The following VCPKMT variants were observed in gnomAD, a reference collection of about 807,000 sequenced individuals.
The protein encoded by VCPKMT is valosin containing protein lysine methyltransferase.
In VCPKMT, 32 loss-of-function variants were observed where a neutral mutation model predicts 28.6. The observed-to-expected ratio is 1.12, with a 90% CI of 0.84 to 1.50. The LOEUF is 1.50. Ranked by LOEUF, VCPKMT falls within the 40% of genes most tolerant of loss-of-function variation. VCPKMT has a pLI of 0.00. For missense variants in VCPKMT, 366 were observed against 285.0 expected (o/e 1.28, Z -2.05); for synonymous variants, 138 against 111.4 (o/e 1.24, Z -1.50).
At chr14:50,107,177 T>C (rs899330958), downstream of VCPKMT, among the ~76,000 whole-genome samples, 2 of 152,258 alleles carry the variant, frequency 1.3e-5, no homozygotes, top group African/African-American at 4.8e-5. Flanking sequence ...TGATGGAGCA[T>C]GTTCTCTGAA....
intron 3 of VCPKMT, among the ~76,000 whole-genome samples, chr14:50,114,857 AAAAC>A (rs1187197878): frequency 3.9e-5 from 6 of 152,270 alleles, no homozygotes; most frequent in African/African-American, 7.2e-5. Flanking sequence ...TCTTAAAACA[AAAAC>A]AAACAAACAA....
At chr14:50,105,403 G>A (rs1882285640), downstream of VCPKMT, among the ~76,000 whole-genome samples, 1 of 152,180 alleles carries the variant, frequency 6.6e-6, no homozygotes, top group Admixed American at 6.5e-5. Flanking sequence ...GGCTGAGGAG[G>A]GTGGATTGCT....
In VCPKMT at chr14:50,111,278, A is replaced by C; in HGVS notation, c.675+1337T>G. ...AAACTGCACAACAGCTTCAGTTAACACTAGATCCCTTAAAGCACAAAACAG... is the reference window on the plus strand; with the variant it reads ...AAACTGCACAACAGCTTCAGTTAACCCTAGATCCCTTAAAGCACAAAACAG... On this transcript the variant is annotated intron_variant, in intron 5 of 5. Transcript: ENST00000395860. The C allele has an allele frequency of 3.0e-6, 3 of 985,296 alleles. No homozygotes were observed. The South Asian group carries it at 1.4e-4, about 46-fold the overall frequency. 61.0% of individuals were successfully genotyped at this position (985,296 alleles called of 1,614,324 possible).
downstream of VCPKMT, among the ~76,000 whole-genome samples, chr14:50,107,542 G>A (rs1200342502): frequency 1.3e-5 from 2 of 152,140 alleles, no homozygotes; most frequent in East Asian, 1.9e-4. Flanking sequence ...TCCAACTCCC[G>A]ACCTCAGGAG....
downstream of VCPKMT, among the ~76,000 whole-genome samples, chr14:50,107,948 C>T (rs752825912): frequency 4.6e-5 from 7 of 151,864 alleles, no homozygotes; most frequent in African/African-American, 1.2e-4. Flanking sequence ...CAGCACTTTC[C>T]GGGGCTAAGG....
At chr14:50,106,864 G>A (rs1882340271), downstream of VCPKMT, among the ~76,000 whole-genome samples, 1 of 152,132 alleles carries the variant, frequency 6.6e-6, no homozygotes, top group Admixed American at 6.5e-5. Context: ...GACTACAGGT[G>A]TACACCACCA....
In VCPKMT at chr14:50,108,655, T is replaced by C. The variant is rs1882428740; in HGVS notation, c.*1044A>G. ...CACAAGGTCTCAAAAACAATGTTTA[T>C]TTTAACACATAAAATGTACCATCTA... is the stretch of plus-strand genomic sequence containing the variant. On this transcript the variant is annotated 3_prime_UTR_variant, in exon 6 of 6. Coordinates refer to ENST00000395860, the MANE Select transcript of VCPKMT (RefSeq NM_024558.3). The C allele has an allele frequency of 1.0e-6, 1 of 985,892 alleles. No individual in the cohort carries two copies. The highest frequency in any genetic ancestry group is 1.2e-6 in the Non-Finnish European group (1 of 829,952). The allele number at this position is 985,892 out of a possible 1,614,324, so 61.1% of individuals were successfully genotyped here. A position where few individuals can be genotyped will look rare whatever the true frequency, so the allele number is the denominator to read the frequency against.
chr14:50,106,658 T>A, downstream of VCPKMT: 1 of 984,572 alleles, frequency 1.0e-6, no homozygotes, highest in South Asian at 4.7e-5. Flanking sequence ...GAAAGAGAAA[T>A]ACTGGTCTCC....
chr14:50,103,796 A>G (rs140608300), downstream of VCPKMT, among the ~76,000 whole-genome samples: 42 of 152,296 alleles, frequency 2.8e-4, no homozygotes, highest in Non-Finnish European at 4.9e-4. Flanking sequence ...CTGGGCAGCA[A>G]TGTTTACATG....
chr14:50,115,145 G>GTTTTT (rs745531021), intron 3 of VCPKMT, among the ~76,000 whole-genome samples: 19 of 90,362 alleles, frequency 2.1e-4, no homozygotes, highest in African/African-American at 6.7e-4. Flanking sequence ...ACAAACTGAT[G>GTTTTT]TTTTTTTTTT....
downstream of VCPKMT, among the ~76,000 whole-genome samples, chr14:50,105,201 T>C (rs1027355082): frequency 1.3e-5 from 2 of 152,180 alleles, no homozygotes; most frequent in Non-Finnish European, 2.9e-5. Context: ...TACTCTTCTT[T>C]AAAATACCTA....
At position 50,109,415 on chromosome 14, in the gene VCPKMT, T is replaced by C; in HGVS notation, c.*284A>G. On this transcript the variant is annotated 3_prime_UTR_variant, in exon 6 of 6. Transcript: ENST00000395860. Reference sequence around the variant, plus strand: ...TTGGCAGATTTCAGCCTCGCCTCAATACCAATTTTTATTTGAATAACTGAT... The same window carrying C: ...TTGGCAGATTTCAGCCTCGCCTCAACACCAATTTTTATTTGAATAACTGAT... 2 of 1,148,366 alleles carry C rather than the reference T, an allele frequency of 1.7e-6. No homozygotes were observed. The highest frequency in any genetic ancestry group is 2.1e-6 in the Non-Finnish European group (2 of 935,746). The allele number at this position is 1,148,366 out of a possible 1,614,324, so 71.1% of individuals were successfully genotyped here.
intron 5 of VCPKMT, among the ~76,000 whole-genome samples, chr14:50,110,927 G>A (rs890671926): frequency 1.2e-4 from 19 of 152,098 alleles, no homozygotes. Context: ...TATGTGACTT[G>A]TTACATATGA....
downstream of VCPKMT, among the ~76,000 whole-genome samples, chr14:50,108,107 C>G (rs1882397971): frequency 6.8e-6 from 1 of 147,704 alleles, no homozygotes; most frequent in African/African-American, 2.5e-5. Context: ...GAGGATCACC[C>G]AAGCCTGGGA....
intron 3 of VCPKMT, 22 bp downstream of exon 3, chr14:50,115,817 A>C: frequency 6.3e-7 from 1 of 1,588,472 alleles, no homozygotes; most frequent in Non-Finnish European, 8.6e-7. Context: ...AAGTGAAGAG[A>C]CTTCGCTCAC....
In VCPKMT at chr14:50,109,670, T is replaced by C. The variant is rs748617250; in HGVS notation, c.*29A>G. 43 of 1,595,182 alleles carry C rather than the reference T, an allele frequency of 2.7e-5. No homozygotes were observed. Among genetic ancestry groups the C allele is most frequent in the Admixed American group, 1.6e-4 (9 of 56,762 alleles). On this transcript the variant is annotated 3_prime_UTR_variant, in exon 6 of 6. Coordinates refer to ENST00000395860, the MANE Select transcript of VCPKMT (RefSeq NM_024558.3). ...CACATCTTTAGTTTACCCAGGTTGT[T>C]AGAGCCTTGGGTAAGATGATTAAAG...
chr14:50,108,311 G>A (rs1882413632), downstream of VCPKMT, among the ~76,000 whole-genome samples: 1 of 151,678 alleles, frequency 6.6e-6, no homozygotes, highest in Non-Finnish European at 1.5e-5. Context: ...CAAATTTCAT[G>A]TTATAAAACA....
chr14:50,114,848 C>A (rs995704916), intron 3 of VCPKMT, among the ~76,000 whole-genome samples: 1 of 152,072 alleles, frequency 6.6e-6, no homozygotes. Flanking sequence ...AGACCCCTAT[C>A]TTAAAACAAA....
chr14:50,108,467 G>T (rs540001695), downstream of VCPKMT, among the ~76,000 whole-genome samples: 2 of 151,564 alleles, frequency 1.3e-5, no homozygotes, highest in South Asian at 4.2e-4. Context: ...GTATCTTGGC[G>T]GGGGGGAAAC....
Sources: gnomAD v4.1 joint callset for allele counts (sites outside exome capture counted in the v4.1 genomes callset) on GRCh38, gnomAD v4.1.1 for gene constraint, MANE v1.5 for transcripts, NCBI Gene and HGNC (gene_info 2026-07-23, HGNC 2026-07-21) for gene names.